The following SUCLG1 variants were observed in gnomAD, a reference collection of about 807,000 sequenced individuals.
The protein encoded by SUCLG1 is succinate-CoA ligase GDP/ADP-forming subunit alpha, also known as succinate--CoA ligase [ADP/GDP-forming] subunit alpha, mitochondrial.
A neutral mutation model predicts 37.3 loss-of-function variants in SUCLG1; 26 were observed. That is an observed-to-expected ratio of 0.70 (90% confidence interval 0.51 to 0.97). The LOEUF is 0.97. SUCLG1 is among the 50% of genes least tolerant of loss of function. The pLI is 0.00. For missense variants in SUCLG1, 433 were observed against 432.9 expected (o/e 1.00, Z 0.00); for synonymous variants, 163 against 155.6 (o/e 1.05, Z -0.36).
intron 1 of SUCLG1, among the ~76,000 whole-genome samples, chr2:84,455,789 T>G (rs552749643): frequency 6.8e-4 from 95 of 139,998 alleles, no homozygotes; most frequent in African/African-American, 2.4e-3. Context: ...TGAGCAGAGA[T>G]CACGCCACTG....
chr2:84,429,445 A>T (rs1015675324), intron 7 of SUCLG1, among the ~76,000 whole-genome samples: 1 of 152,148 alleles, frequency 6.6e-6, no homozygotes, highest in Non-Finnish European at 1.5e-5. Flanking sequence ...ATTTTACTCC[A>T]ATCCTTAACA....
At chr2:84,449,227 G>C (rs1187703359) in intron 2 of SUCLG1, among the ~76,000 whole-genome samples, 1 of 152,202 alleles carries the variant, frequency 6.6e-6, no homozygotes, top group Non-Finnish European at 1.5e-5. Flanking sequence ...CTCTGGGTTT[G>C]AGCATTTCTC....
At chr2:84,426,996 TTTG>T (rs1400361055) in intron 7 of SUCLG1, 1 of 153,774 alleles carries the variant, frequency 6.5e-6, no homozygotes, top group East Asian at 1.9e-4. Context: ...TTTATAAATA[TTTG>T]TTAATTCACT....
Position 84,433,596 on chromosome 2 carries a change from AG to A in SUCLG1, c.590-162del, listed in dbSNP as rs1367242572. The A allele has an allele frequency of 1.0e-5, 7 of 673,908 alleles. No individual in the cohort carries two copies. The African/African-American group carries it at 1.3e-4, about 12-fold the overall frequency. 41.7% of individuals were successfully genotyped at this position (673,908 alleles called of 1,614,324 possible). ...AGTATCTTCAAACGATGAAATGAAA[AG>A]GAAAGGCTTAAATTCAAGCAGGGGG... On this transcript the variant is annotated intron_variant, in intron 5 of 8. Coordinates refer to ENST00000393868, the MANE Select transcript of SUCLG1 (RefSeq NM_003849.4).
chr2:84,431,701 T>A (rs1672616759), intron 6 of SUCLG1, 42 bp from the exon 7 acceptor site: 1 of 1,608,782 alleles, frequency 6.2e-7, no homozygotes, highest in African/African-American at 1.3e-5. Context: ...AATTTAAGGG[T>A]GAACCATGGA....
intron 4 of SUCLG1, 46 bp downstream of exon 4, chr2:84,441,193 GTTTAGCCT>G (rs1672767008): frequency 1.9e-6 from 3 of 1,612,116 alleles, no homozygotes; most frequent in Admixed American, 3.3e-5. Flanking sequence ...ACTCAAAGCT[GTTTAGCCT>G]TGTGAGAGGC....
At chr2:84,424,271 T>C (rs966351145) in intron 8 of SUCLG1, among the ~76,000 whole-genome samples, 4 of 152,232 alleles carry the variant, frequency 2.6e-5, no homozygotes, top group African/African-American at 9.6e-5. Context: ...AGCAAAGTAG[T>C]GTTTAAGGAA....
At chr2:84,423,795 GAA>G (rs1435684549) in intron 8 of SUCLG1, 23 bp from the exon 9 acceptor site, 3 of 1,600,364 alleles carry the variant, frequency 1.9e-6, no homozygotes, top group Non-Finnish European at 2.6e-6. Context: ...AAGAGAGAGA[GAA>G]GAGAGATGGA....
At chr2:84,453,022 G>C (rs1038568044) in intron 1 of SUCLG1, among the ~76,000 whole-genome samples, 3 of 152,186 alleles carry the variant, frequency 2.0e-5, no homozygotes, top group Admixed American at 1.3e-4. Flanking sequence ...AATTCATATA[G>C]AGACTGCATG....
chr2:84,455,434 C>A (rs989135398), intron 1 of SUCLG1, among the ~76,000 whole-genome samples: 4 of 151,612 alleles, frequency 2.6e-5, no homozygotes, highest in East Asian at 1.9e-4. Flanking sequence ...GCAGAGGATG[C>A]GGTGAGCTGA....
intron 7 of SUCLG1, among the ~76,000 whole-genome samples, chr2:84,431,135 A>G (rs1001483056): frequency 1.3e-5 from 2 of 152,172 alleles, no homozygotes; most frequent in African/African-American, 4.8e-5. Context: ...TCAGCCTTGA[A>G]AAAGAGAAAA....
At chr2:84,453,538 CTGAG>C (rs1017799076) in intron 1 of SUCLG1, among the ~76,000 whole-genome samples, 2 of 152,220 alleles carry the variant, frequency 1.3e-5, no homozygotes, top group African/African-American at 4.8e-5. Flanking sequence ...CCTCAGCCTC[CTGAG>C]TATCTGGGAC....
At chr2:84,440,564 G>T (rs569716891) in intron 5 of SUCLG1, among the ~76,000 whole-genome samples, 1 of 152,164 alleles carries the variant, frequency 6.6e-6, no homozygotes, top group African/African-American at 2.4e-5. Context: ...TACACATTTT[G>T]CCCAAGAGAA....
chr2:84,436,849 A>G (rs1401623106), intron 5 of SUCLG1, among the ~76,000 whole-genome samples: 1 of 152,164 alleles, frequency 6.6e-6, no homozygotes, highest in Non-Finnish European at 1.5e-5. Context: ...AGTCTTCACA[A>G]CCCCTATATT....
intron 2 of SUCLG1, among the ~76,000 whole-genome samples, chr2:84,446,028 T>C (rs1263458329): frequency 6.6e-6 from 1 of 152,264 alleles, no homozygotes; most frequent in East Asian, 1.9e-4. Flanking sequence ...GCCTGCCTCA[T>C]GGCCTCACTG....
At chr2:84,455,494 C>A (rs1573378244) in intron 1 of SUCLG1, among the ~76,000 whole-genome samples, 2 of 151,196 alleles carry the variant, frequency 1.3e-5, no homozygotes. Flanking sequence ...AACTCTGTCT[C>A]AAAAAAAACA....
chr2:84,424,792 G>T (rs1672509738), intron 8 of SUCLG1, among the ~76,000 whole-genome samples: 1 of 151,898 alleles, frequency 6.6e-6, no homozygotes, highest in Admixed American at 6.6e-5. Flanking sequence ...GATTACAAAA[G>T]ACATCAAATT....
At chr2:84,448,085 T>C (rs1672876450) in intron 2 of SUCLG1, among the ~76,000 whole-genome samples, 1 of 149,058 alleles carries the variant, frequency 6.7e-6, no homozygotes, top group South Asian at 2.1e-4. Flanking sequence ...TTTTTTGATA[T>C]TGGATTTTTT....
In SUCLG1 at chr2:84,454,792, G is replaced by A. The variant is rs78074116; in HGVS notation, c.97+4381C>T. 1.4e-4 allele frequency among the ~76,000 whole-genome samples: 22 copies of A among 152,274 alleles called. No individual in the cohort carries two copies. In the East Asian group the frequency reaches 4.0e-3, roughly 28 times the overall value. ...TAACACATCATTTATAAAATGGCTG[G>A]TGGGATGAATGATGCAATCTATGGT... On this transcript the variant is annotated intron_variant, in intron 1 of 8. Transcript: ENST00000393868.
Sources: gnomAD v4.1 joint callset for allele counts (sites outside exome capture counted in the v4.1 genomes callset) on GRCh38, gnomAD v4.1.1 for gene constraint, MANE v1.5 for transcripts, NCBI Gene and HGNC (gene_info 2026-07-23, HGNC 2026-07-21) for gene names.